Variants in AFF1 observed in about 807,000 individuals in gnomAD.
AFF1 encodes AF4/FMR2 family member 1.
A neutral mutation model predicts 121.7 loss-of-function variants in AFF1; 48 were observed. That is an observed-to-expected ratio of 0.39 (90% CI 0.31 to 0.50). The LOEUF (loss-of-function observed/expected upper bound fraction) is 0.50. AFF1 is among the 20% of genes least tolerant of loss of function. The probability of loss-of-function intolerance (pLI) is 0.76; values close to 1 mark genes in which losing one functional copy is unlikely to be tolerated. For synonymous variants in AFF1, 613 were observed against 563.0 expected, an observed-to-expected ratio of 1.09 and a Z score of -1.26; for missense variants, 1,523 against 1,511.7, an observed-to-expected ratio of 1.01 and a Z score of -0.12.
At chr4:87,120,019 G>T (rs1223728260) in intron 12 of AFF1, among the ~76,000 whole-genome samples, 1 of 152,202 alleles carries the variant, frequency 6.6e-6, no homozygotes, top group Non-Finnish European at 1.5e-5. Flanking sequence ...CATCCCTTCT[G>T]ATTGACTAAG....
intron 4 of AFF1, among the ~76,000 whole-genome samples, chr4:87,075,080 C>T (rs1722511295): frequency 6.6e-6 from 1 of 152,144 alleles, no homozygotes; most frequent in East Asian, 1.9e-4. Flanking sequence ...GCCAATTATG[C>T]AGATTACCTC....
At chr4:87,064,668 C>T (rs1252035536) in intron 4 of AFF1, among the ~76,000 whole-genome samples, 1 of 152,056 alleles carries the variant, frequency 6.6e-6, no homozygotes, top group Non-Finnish European at 1.5e-5. Flanking sequence ...CATCTGAGGT[C>T]AGGAATTCGA....
intron 11 of AFF1, among the ~76,000 whole-genome samples, chr4:87,111,889 C>T (rs372824238): frequency 2.0e-5 from 3 of 152,102 alleles, no homozygotes; most frequent in East Asian, 1.9e-4. Flanking sequence ...GTAATCAGGA[C>T]GTTCCTTTAG....
At chr4:87,088,014 A>T (rs978006956) in intron 5 of AFF1, among the ~76,000 whole-genome samples, 4 of 152,220 alleles carry the variant, frequency 2.6e-5, no homozygotes, top group South Asian at 4.1e-4. Flanking sequence ...TTAATTTATT[A>T]AGTGCCTTCT....
chr4:86,955,126 T>A (rs1246556238), intron 2 of AFF1, among the ~76,000 whole-genome samples: 1 of 152,196 alleles, frequency 6.6e-6, no homozygotes, highest in Non-Finnish European at 1.5e-5. Context: ...ATTAATAGCC[T>A]ATTTTATTTT....
In AFF1 at chr4:87,013,224, G is replaced by A. The variant is rs189681167; in HGVS notation, c.39-32942G>A. Among the ~76,000 whole-genome samples, 149 of 146,790 alleles carry A rather than the reference G, an allele frequency of 1.0e-3. No homozygotes were observed. In the Middle Eastern group the frequency reaches 0.01, roughly 10 times the overall value. The stretch of plus-strand genomic sequence containing the variant: ...CCCGGCTAATTTTGTATTTTTAGTA[G>A]AGATGGGGTTTCTCCATGTTGGTCA... On this transcript the variant is annotated intron_variant, in intron 2 of 20. Transcript: ENST00000395146.
intron 4 of AFF1, among the ~76,000 whole-genome samples, chr4:87,064,979 C>T (rs1008185791): frequency 6.6e-6 from 1 of 151,878 alleles, no homozygotes; most frequent in African/African-American, 2.4e-5. Context: ...GTGTAGGCTG[C>T]AGTGAGCTGT....
At chr4:87,013,789 A>G (rs1410754208) in intron 2 of AFF1, among the ~76,000 whole-genome samples, 1 of 151,790 alleles carries the variant, frequency 6.6e-6, no homozygotes, top group Admixed American at 6.6e-5. Flanking sequence ...ACTTGATTAG[A>G]CACAAAAATC....
At position 87,017,101 on chromosome 4, in the gene AFF1, GTTTT is replaced by G. The variant is rs66466780; in HGVS notation, c.39-29048_39-29045del. ...TGTGTGTGTATGTGTATATATATGT[GTTTT>G]TTTTTTTTTTTTTTTTGGTTGGATA... On this transcript the variant is annotated intron_variant, in intron 2 of 20. Transcript: ENST00000395146. 2.0e-3 allele frequency among the ~76,000 whole-genome samples: 216 copies of G among 106,338 alleles called. 1 individual carries two copies. The highest frequency in any genetic ancestry group is 6.3e-3 in the Middle Eastern group (1 of 158). The allele number at this position is 106,338 out of a possible 152,430, so 69.8% of individuals were successfully genotyped here. A position where few individuals can be genotyped will look rare whatever the true frequency, so the allele number is the denominator to read the frequency against.
chr4:87,117,274 C>G (rs1373343822), intron 12 of AFF1, among the ~76,000 whole-genome samples: 1 of 152,198 alleles, frequency 6.6e-6, no homozygotes, highest in Non-Finnish European at 1.5e-5. Flanking sequence ...GCTTATTTAT[C>G]TTTCTGTTTA....
At chr4:86,996,404 C>T (rs1313826105) in intron 2 of AFF1, among the ~76,000 whole-genome samples, 1 of 151,754 alleles carries the variant, frequency 6.6e-6, no homozygotes, top group Non-Finnish European at 1.5e-5. Flanking sequence ...GCCTTGGGAT[C>T]CTGTTGATCT....
At chr4:87,019,403 T>C (rs1158019566) in intron 2 of AFF1, among the ~76,000 whole-genome samples, 2 of 152,234 alleles carry the variant, frequency 1.3e-5, no homozygotes, top group Non-Finnish European at 2.9e-5. Context: ...ATTGTAAGTC[T>C]AAAGACTTTT....
chr4:86,978,177 C>T (rs1324034366), intron 2 of AFF1, among the ~76,000 whole-genome samples: 45 of 39,332 alleles, frequency 1.1e-3, no homozygotes, highest in South Asian at 2.0e-3. Flanking sequence ...ATTACATTCA[C>T]TTTTTTTTTT....
In AFF1 at chr4:87,046,683, C is replaced by CTT; in HGVS notation, c.160-5_160-4dup. 1 of 1,580,094 alleles carries CTT rather than the reference C, an allele frequency of 6.3e-7. No homozygotes were observed. Among genetic ancestry groups the CTT allele is most frequent in the East Asian group, 2.3e-5 (1 of 44,390 alleles). On this transcript the variant is annotated splice_polypyrimidine_tract_variant and intron_variant, in intron 3 of 20. Transcript: ENST00000395146. ...AGTTTTTTTTCATTCTCAAATTCTCCTTTTTTTTCAGACAGCAAAAGGTGA... is the reference window on the plus strand; with the variant it reads ...AGTTTTTTTTCATTCTCAAATTCTCCTTTTTTTTTTCAGACAGCAAAAGGTGA...
At chr4:87,091,495 A>T (rs1202050772) in intron 6 of AFF1, among the ~76,000 whole-genome samples, 1 of 152,268 alleles carries the variant, frequency 6.6e-6, no homozygotes, top group African/African-American at 2.4e-5. Flanking sequence ...TTTGTGCAAC[A>T]ACAAAGGAAA....
At chr4:86,956,677 T>C (rs549086065) in intron 2 of AFF1, among the ~76,000 whole-genome samples, 1 of 152,204 alleles carries the variant, frequency 6.6e-6, no homozygotes, top group Admixed American at 6.5e-5. Context: ...AATCATACAA[T>C]ATGTTAATTT....
At chr4:87,038,708 GA>G (rs1729807584) in intron 2 of AFF1, among the ~76,000 whole-genome samples, 1 of 152,184 alleles carries the variant, frequency 6.6e-6, no homozygotes, top group Non-Finnish European at 1.5e-5. Context: ...ATTCAAATCA[GA>G]ATGGCATAGT....
chr4:87,029,656 T>C (rs759600987), intron 2 of AFF1, among the ~76,000 whole-genome samples: 13 of 152,220 alleles, frequency 8.5e-5, no homozygotes, highest in Non-Finnish European at 1.5e-4. Context: ...TTCCTTTTGC[T>C]GTGCTGTGTC....
chr4:86,976,694 C>G (rs1723327876), intron 2 of AFF1, among the ~76,000 whole-genome samples: 1 of 152,118 alleles, frequency 6.6e-6, no homozygotes, highest in Non-Finnish European at 1.5e-5. Context: ...ATCTGTGCAC[C>G]AAGCTCCCAC....
Sources: gnomAD v4.1 joint callset for allele counts (sites outside exome capture counted in the v4.1 genomes callset) on GRCh38, gnomAD v4.1.1 for gene constraint, MANE v1.5 for transcripts, NCBI Gene and HGNC (gene_info 2026-07-23, HGNC 2026-07-21) for gene names.